Variants in EEFSEC observed in about 807,000 individuals in gnomAD.
EEFSEC encodes eukaryotic elongation factor, selenocysteine-tRNA specific.
EEFSEC carries 43 observed loss-of-function variants against 42.1 expected under a neutral mutation model. That is an observed-to-expected ratio of 1.02 (90% CI 0.80 to 1.32). The LOEUF is 1.32. EEFSEC is among the 40% of genes most tolerant of loss of function. EEFSEC has a pLI of 0.00. For missense variants in EEFSEC, 745 were observed against 803.6 expected (o/e 0.93, Z 0.88); for synonymous variants, 354 against 339.1 (o/e 1.04, Z -0.48).
chr3:128,379,560 C>T (rs544636315), intron 6 of EEFSEC, among the ~76,000 whole-genome samples: 1 of 152,334 alleles, frequency 6.6e-6, no homozygotes, highest in South Asian at 2.1e-4. Flanking sequence ...CAGAAACCAT[C>T]TGCTGGCTGG....
chr3:128,229,282 A>G (rs2065937194), intron 1 of EEFSEC, among the ~76,000 whole-genome samples: 2 of 152,160 alleles, frequency 1.3e-5, no homozygotes. Context: ...CGGCCTTTTC[A>G]TCAGCTTTGG....
In EEFSEC at chr3:128,383,859, G is replaced by C. The variant is rs2067807383; in HGVS notation, c.1601-24210G>C. The stretch of plus-strand genomic sequence containing the variant: ...AGCACATGAGCGGTGACAGAGAGTA[G>C]CTGGTGTGCCCAGGGCCCAGCACAG... On this transcript the variant is annotated intron_variant, in intron 6 of 6. Coordinates refer to ENST00000254730, the MANE Select transcript of EEFSEC (RefSeq NM_021937.5). Among the ~76,000 whole-genome samples the C allele has an allele frequency of 2.0e-5, 3 of 152,242 alleles. No individual in the cohort carries two copies. In the South Asian group the frequency reaches 6.2e-4, roughly 32 times the overall value.
chr3:128,344,981 A>G (rs939337751), intron 5 of EEFSEC, among the ~76,000 whole-genome samples: 14 of 152,228 alleles, frequency 9.2e-5, no homozygotes, highest in African/African-American at 3.4e-4. Flanking sequence ...AGTAGGCCCC[A>G]GATCACCCAG....
chr3:128,377,383 G>T (rs1418545753), intron 6 of EEFSEC, among the ~76,000 whole-genome samples: 1 of 152,158 alleles, frequency 6.6e-6, no homozygotes, highest in Non-Finnish European at 1.5e-5. Flanking sequence ...TACTTACCAG[G>T]TCTACAACCT....
intron 1 of EEFSEC, among the ~76,000 whole-genome samples, chr3:128,161,418 T>C (rs2065186318): frequency 6.6e-6 from 1 of 152,150 alleles, no homozygotes; most frequent in Admixed American, 6.5e-5. Flanking sequence ...CCCAGTCTTT[T>C]GTTTCGGTTG....
At chr3:128,156,317 TA>T (rs1409369984) in intron 1 of EEFSEC, among the ~76,000 whole-genome samples, 1 of 152,240 alleles carries the variant, frequency 6.6e-6, no homozygotes, top group Non-Finnish European at 1.5e-5. Flanking sequence ...TACCATTTAA[TA>T]GTTGAGAAAA....
intron 4 of EEFSEC, among the ~76,000 whole-genome samples, chr3:128,313,132 G>A (rs2066908298): frequency 6.6e-6 from 1 of 152,150 alleles, no homozygotes; most frequent in African/African-American, 2.4e-5. Flanking sequence ...GGTAGAAACT[G>A]GTTTTTCCTA....
intron 1 of EEFSEC, among the ~76,000 whole-genome samples, chr3:128,186,013 C>G (rs1420194490): frequency 6.6e-6 from 1 of 152,120 alleles, no homozygotes; most frequent in Non-Finnish European, 1.5e-5. Context: ...GAGGAACTGC[C>G]AAACTTTTTC....
At chr3:128,295,024 T>C (rs1268064384) in intron 4 of EEFSEC, among the ~76,000 whole-genome samples, 1 of 152,206 alleles carries the variant, frequency 6.6e-6, no homozygotes, top group African/African-American at 2.4e-5. Context: ...CAGACCAGCA[T>C]GGGACATTTC....
In EEFSEC at chr3:128,323,715, T is replaced by TGGAGGAAGTGCTTCAG. The variant is rs1318567314; in HGVS notation, c.787-17514_787-17513insGAAGTGCTTCAGGGAG. On this transcript the variant is annotated intron_variant, in intron 4 of 6. Transcript: ENST00000254730. ...CAGCCAGCATGATTCGTTCCAGAGCTGGAGCACTTCCTCCCCTGAAGGAGC... is the reference window on the plus strand; with the variant it reads ...CAGCCAGCATGATTCGTTCCAGAGCTGGAGGAAGTGCTTCAGGGAGCACTTCCTCCCCTGAAGGAGC... 2.0e-5 allele frequency among the ~76,000 whole-genome samples: 3 copies of TGGAGGAAGTGCTTCAG among 152,338 alleles called. No individual in the cohort carries two copies. In the East Asian group the frequency reaches 5.8e-4, roughly 29 times the overall value.
At chr3:128,194,910 G>T (rs2065566473) in intron 1 of EEFSEC, among the ~76,000 whole-genome samples, 1 of 152,040 alleles carries the variant, frequency 6.6e-6, no homozygotes, top group African/African-American at 2.4e-5. Flanking sequence ...TTTTCCCCAA[G>T]GCTTTTTCTT....
At chr3:128,357,840 G>A (rs1051303411) in intron 5 of EEFSEC, among the ~76,000 whole-genome samples, 4 of 151,920 alleles carry the variant, frequency 2.6e-5, no homozygotes, top group African/African-American at 9.7e-5. Flanking sequence ...TGAATTCAAA[G>A]CTACTTCTAT....
intron 6 of EEFSEC, among the ~76,000 whole-genome samples, chr3:128,368,134 A>G (rs780271630): frequency 3.7e-4 from 56 of 152,232 alleles, no homozygotes; most frequent in Non-Finnish European, 3.7e-4. Context: ...CATTTGGCAC[A>G]GAAGTACAGT....
intron 1 of EEFSEC, among the ~76,000 whole-genome samples, chr3:128,245,873 T>C (rs2066121666): frequency 1.3e-5 from 2 of 152,240 alleles, no homozygotes; most frequent in Admixed American, 1.3e-4. Context: ...TCCCCAGCAG[T>C]GGGATAGAAT....
intron 6 of EEFSEC, among the ~76,000 whole-genome samples, chr3:128,364,690 A>T (rs563363496): frequency 2.0e-5 from 3 of 151,878 alleles, no homozygotes; most frequent in African/African-American, 7.2e-5. Context: ...TGCTCAAGCC[A>T]CTCCTCTGTG....
chr3:128,401,563 A>C (rs1286797879), intron 6 of EEFSEC, among the ~76,000 whole-genome samples: 3 of 152,170 alleles, frequency 2.0e-5, no homozygotes, highest in Non-Finnish European at 4.4e-5. Flanking sequence ...AGAGGGAACC[A>C]CACATTCCAA....
At chr3:128,385,902 A>G (rs968653492) in intron 6 of EEFSEC, among the ~76,000 whole-genome samples, 1 of 152,248 alleles carries the variant, frequency 6.6e-6, no homozygotes, top group Non-Finnish European at 1.5e-5. Flanking sequence ...ACGGTGGAAC[A>G]TGAGCAGCAG....
intron 2 of EEFSEC, among the ~76,000 whole-genome samples, chr3:128,255,593 G>A (rs28673973): frequency 0.043 from 6,606 of 152,296 alleles, 481 homozygotes; most frequent in African/African-American, 0.15. Flanking sequence ...CGCAGAGGAA[G>A]TACTTAGTAA....
chr3:128,420,381 A>G, the EEFSEC span, among the ~76,000 whole-genome samples: 1 of 152,210 alleles, frequency 6.6e-6, no homozygotes, highest in Non-Finnish European at 1.5e-5. Flanking sequence ...TGCTGGGAGG[A>G]AAGCTCAACC....
Sources: allele counts gnomAD v4.1 joint callset (sites outside exome capture counted in the v4.1 genomes callset), GRCh38; gene constraint gnomAD v4.1.1; transcripts MANE v1.5; gene names NCBI Gene and HGNC (gene_info 2026-07-23, HGNC 2026-07-21).